The following SMIM35 variants were observed in gnomAD, a reference collection of about 807,000 sequenced individuals.
SMIM35 encodes TMPRSS4 antisense RNA 1 (non-protein coding).
intron 1 of SMIM35, among the ~76,000 whole-genome samples, chr11:118,068,542 C>T (rs146635158): frequency 1.3e-5 from 2 of 152,278 alleles, no homozygotes; most frequent in East Asian, 3.9e-4. Context: ...GGCCAAGAGA[C>T]AGTCTGGGCC....
At chr11:118,062,845 C>A (rs1265958416) in intron 1 of SMIM35, among the ~76,000 whole-genome samples, 1 of 152,134 alleles carries the variant, frequency 6.6e-6, no homozygotes, top group Non-Finnish European at 1.5e-5. Flanking sequence ...GCTGCATTCC[C>A]AGACAGTTAA....
intron 1 of SMIM35, among the ~76,000 whole-genome samples, chr11:118,017,088 G>T (rs1362746577): frequency 1.3e-5 from 2 of 152,104 alleles, no homozygotes; most frequent in East Asian, 1.9e-4. Flanking sequence ...GAAAGGGAAA[G>T]AATTCACAGC....
chr11:118,008,031 G>A lies in SMIM35; in HGVS notation c.*34-1655C>T, dbSNP rs549201200. The stretch of plus-strand genomic sequence containing the variant: ...ATTATAGGCACGAGCCACCACGCTC[G>A]GCTAATTTTTGTAGTTTTAGCAGAG... On this transcript the variant is annotated intron_variant, in intron 4 of 4. Coordinates refer to ENST00000689828, the MANE Select transcript of SMIM35 (RefSeq NM_001394165.1). 1.7e-4 allele frequency among the ~76,000 whole-genome samples: 26 copies of A among 152,034 alleles called. No individual in the cohort carries two copies. The South Asian group carries it at 5.2e-3, about 30-fold the overall frequency.
intron 1 of SMIM35, among the ~76,000 whole-genome samples, chr11:118,055,344 A>T (rs762077605): frequency 6.6e-6 from 1 of 152,140 alleles, no homozygotes; most frequent in Admixed American, 6.5e-5. Flanking sequence ...CCCATCTTGC[A>T]GGAAGTCATG....
At chr11:118,070,628 G>C (rs1262167798) in intron 1 of SMIM35, among the ~76,000 whole-genome samples, 1 of 152,212 alleles carries the variant, frequency 6.6e-6, no homozygotes, top group Non-Finnish European at 1.5e-5. Flanking sequence ...GAAATTAAGA[G>C]TATCCTGGAG....
At chr11:118,044,340 C>T (rs12576767) in intron 1 of SMIM35, among the ~76,000 whole-genome samples, 10,468 of 149,620 alleles carry the variant, frequency 0.07, 669 homozygotes, top group East Asian at 0.3. Context: ...AAAATGCAGC[C>T]GTGAGTACGT....
At chr11:118,017,782 G>A (rs1169344419) in intron 1 of SMIM35, among the ~76,000 whole-genome samples, 2 of 152,200 alleles carry the variant, frequency 1.3e-5, no homozygotes, top group Non-Finnish European at 2.9e-5. Flanking sequence ...TACAGTCAGG[G>A]TGGAAGGGGA....
intron 1 of SMIM35, among the ~76,000 whole-genome samples, chr11:118,056,733 C>T (rs1944316065): frequency 2.0e-5 from 3 of 152,150 alleles, no homozygotes; most frequent in Non-Finnish European, 2.9e-5. Flanking sequence ...CGGAGAAGAT[C>T]CAGACAGGGA....
intron 3 of SMIM35, 85 bp downstream of exon 3, chr11:118,014,623 C>A: frequency 2.5e-6 from 1 of 398,572 alleles, no homozygotes; most frequent in South Asian, 1.3e-4. Context: ...GGGAACCAGT[C>A]AGTTCTTAAT....
At chr11:118,048,586 G>GAAGGAAGC (rs1944146367) in intron 1 of SMIM35, among the ~76,000 whole-genome samples, 1 of 125,826 alleles carries the variant, frequency 7.9e-6, no homozygotes, top group Non-Finnish European at 1.8e-5. Context: ...AGGAAGGAAG[G>GAAGGAAGC]AAGGAAGGAA....
intron 1 of SMIM35, 26 bp from the exon 2 acceptor site, chr11:118,015,835 C>T (rs181270376): frequency 2.8e-5 from 11 of 399,298 alleles, no homozygotes; most frequent in East Asian, 2.5e-4. Flanking sequence ...GCTGTGCACC[C>T]TCCCACAGCC....
chr11:118,032,127 A>G (rs2058325087), intron 1 of SMIM35, among the ~76,000 whole-genome samples: 1 of 152,196 alleles, frequency 6.6e-6, no homozygotes, highest in Non-Finnish European at 1.5e-5. Flanking sequence ...ATCATTCAAG[A>G]GAAGATTGAG....
intron 4 of SMIM35, among the ~76,000 whole-genome samples, chr11:118,009,487 G>T (rs960244570): frequency 6.6e-6 from 1 of 152,178 alleles, no homozygotes; most frequent in Non-Finnish European, 1.5e-5. Context: ...TCACCCTACA[G>T]GTAAAGTTGG....
At chr11:118,015,220 A>G (rs757095701) in intron 2 of SMIM35, among the ~76,000 whole-genome samples, 2 of 152,220 alleles carry the variant, frequency 1.3e-5, no homozygotes, top group Non-Finnish European at 2.9e-5. Context: ...TTTCCCAGAT[A>G]CCAGTGAAAA....
intron 1 of SMIM35, among the ~76,000 whole-genome samples, chr11:118,054,173 T>C (rs566551729): frequency 6.6e-6 from 1 of 151,648 alleles, no homozygotes; most frequent in Non-Finnish European, 1.5e-5. Context: ...TGTTTTGTTT[T>C]TTTGTTTGTT....
intron 1 of SMIM35, among the ~76,000 whole-genome samples, chr11:118,075,881 A>G (rs1022776183): frequency 2.5e-4 from 38 of 152,038 alleles, no homozygotes; most frequent in African/African-American, 8.7e-4. Context: ...AGTCTCTCCC[A>G]GCAAAATATC....
At chr11:118,037,211 AT>A (rs2058366265) in intron 1 of SMIM35, among the ~76,000 whole-genome samples, 1 of 151,918 alleles carries the variant, frequency 6.6e-6, no homozygotes, top group South Asian at 2.1e-4. Context: ...TGCAGTTGAG[AT>A]TTTCTCAGGA....
intron 1 of SMIM35, among the ~76,000 whole-genome samples, chr11:118,016,465 C>T (rs1444469853): frequency 3.3e-5 from 5 of 152,190 alleles, no homozygotes; most frequent in East Asian, 1.9e-4. Context: ...GGGCACCCTA[C>T]GGACAACCCA....
At chr11:118,086,216 A>G (rs1199333396) in intron 1 of SMIM35, among the ~76,000 whole-genome samples, 2 of 152,256 alleles carry the variant, frequency 1.3e-5, no homozygotes, top group South Asian at 2.1e-4. Context: ...CCTAAGAGCT[A>G]TGCCCGAACA....
Sources: allele counts gnomAD v4.1 joint callset (sites outside exome capture counted in the v4.1 genomes callset), GRCh38; gene constraint gnomAD v4.1.1; transcripts MANE v1.5; gene names NCBI Gene and HGNC (gene_info 2026-07-23, HGNC 2026-07-21).